The following NKAIN2 variants were observed in gnomAD, a reference collection of about 807,000 sequenced individuals.
The protein encoded by NKAIN2 is sodium/potassium-transporting ATPase subunit beta-1-interacting protein 2.
In NKAIN2, 14 loss-of-function variants were observed where a neutral mutation model predicts 32.6. That is an observed-to-expected ratio of 0.43 (90% confidence interval 0.28 to 0.67). The LOEUF (loss-of-function observed/expected upper bound fraction) is 0.67, where lower values mean the gene tolerates loss of function less well. Ranked by LOEUF, NKAIN2 falls within the 30% of genes least tolerant of loss-of-function variation. The pLI, the probability that NKAIN2 is intolerant of heterozygous loss-of-function variation, is 0.17. For synonymous variants in NKAIN2, 80 were observed against 87.2 expected (o/e 0.92, Z 0.46); for missense variants, 198 against 258.3 (o/e 0.77, Z 1.60).
chr6:124,522,950 C>T (rs571081380), intron 3 of NKAIN2, among the ~76,000 whole-genome samples: 323 of 150,216 alleles, frequency 2.2e-3, no homozygotes, highest in Non-Finnish European at 3.1e-3. Context: ...GAGACCATCC[C>T]GGCTAAAACG....
intron 4 of NKAIN2, among the ~76,000 whole-genome samples, chr6:124,738,108 T>C (rs142223468): frequency 7.2e-5 from 11 of 152,076 alleles, no homozygotes; most frequent in Non-Finnish European, 1.6e-4. Flanking sequence ...TTTGTCTCCA[T>C]CCATATTCTA....
At chr6:124,422,878 C>T (rs190720637) in intron 3 of NKAIN2, among the ~76,000 whole-genome samples, 1 of 152,214 alleles carries the variant, frequency 6.6e-6, no homozygotes, top group Admixed American at 6.5e-5. Context: ...ACAGTATTTG[C>T]GATGAGTTCC....
intron 1 of NKAIN2, among the ~76,000 whole-genome samples, chr6:124,244,467 G>T (rs1165386890): frequency 6.6e-6 from 1 of 151,840 alleles, no homozygotes; most frequent in African/African-American, 2.4e-5. Context: ...ATATGTAAAA[G>T]ATATCTTATC....
intron 1 of NKAIN2, among the ~76,000 whole-genome samples, chr6:124,200,199 G>A (rs113801089): frequency 5.9e-5 from 9 of 152,066 alleles, no homozygotes; most frequent in African/African-American, 1.9e-4. Context: ...CTCCTTATTC[G>A]CTTTCACTTG....
chr6:123,805,894 A>ATTTT (rs1773194894), intron 1 of NKAIN2, among the ~76,000 whole-genome samples: 9 of 152,118 alleles, frequency 5.9e-5, no homozygotes, highest in African/African-American at 1.7e-4. Context: ...ATGTGATTTA[A>ATTTT]CTTCTAATCA....
intron 4 of NKAIN2, among the ~76,000 whole-genome samples, chr6:124,668,485 C>T (rs1348108137): frequency 6.6e-6 from 1 of 152,082 alleles, no homozygotes; most frequent in Non-Finnish European, 1.5e-5. Context: ...TTCGTCTTTA[C>T]TTTCCCTACC....
At chr6:124,725,662 G>A (rs942390099) in intron 4 of NKAIN2, among the ~76,000 whole-genome samples, 1 of 152,170 alleles carries the variant, frequency 6.6e-6, no homozygotes, top group African/African-American at 2.4e-5. Flanking sequence ...TTAAACTCCA[G>A]AACGATATTC....
chr6:124,104,841 A>T (rs989293642), intron 1 of NKAIN2, among the ~76,000 whole-genome samples: 6 of 152,220 alleles, frequency 3.9e-5, no homozygotes, highest in Admixed American at 3.3e-4. Context: ...GCAGCAGGAT[A>T]TCCCACTGGT....
At chr6:123,853,497 T>A (rs1372684212) in intron 1 of NKAIN2, among the ~76,000 whole-genome samples, 1 of 152,170 alleles carries the variant, frequency 6.6e-6, no homozygotes, top group African/African-American at 2.4e-5. Context: ...GAAATATTAG[T>A]TATTGCATTA....
At chr6:124,613,672 A>C (rs1468109741) in intron 3 of NKAIN2, among the ~76,000 whole-genome samples, 1 of 152,196 alleles carries the variant, frequency 6.6e-6, no homozygotes, top group African/African-American at 2.4e-5. Flanking sequence ...CAGATGGGGC[A>C]GTTAATAAAA....
intron 3 of NKAIN2, among the ~76,000 whole-genome samples, chr6:124,564,762 C>T (rs1780839476): frequency 6.6e-6 from 1 of 152,156 alleles, no homozygotes; most frequent in African/African-American, 2.4e-5. Flanking sequence ...TGATTAAATT[C>T]CTATAAGCCC....
At chr6:124,552,257 G>A (rs894920943) in intron 3 of NKAIN2, among the ~76,000 whole-genome samples, 1 of 152,132 alleles carries the variant, frequency 6.6e-6, no homozygotes. Flanking sequence ...ATTTACATGT[G>A]CCTCTCAACT....
chr6:124,759,261 G>A (rs1224275526), intron 4 of NKAIN2, among the ~76,000 whole-genome samples: 1 of 152,106 alleles, frequency 6.6e-6, no homozygotes, highest in Non-Finnish European at 1.5e-5. Context: ...AAAGCACAAT[G>A]TTACTAACTT....
At chr6:123,869,652 C>T (rs998120987) in intron 1 of NKAIN2, among the ~76,000 whole-genome samples, 1 of 152,164 alleles carries the variant, frequency 6.6e-6, no homozygotes, top group African/African-American at 2.4e-5. Flanking sequence ...AATAGCAGTG[C>T]TTTCTGCTGG....
intron 3 of NKAIN2, among the ~76,000 whole-genome samples, chr6:124,410,185 C>G (rs1774092038): frequency 6.6e-6 from 1 of 152,018 alleles, no homozygotes; most frequent in South Asian, 2.1e-4. Flanking sequence ...TTTTGTGTCT[C>G]TCTCTCCTTC....
At chr6:123,959,530 C>T (rs1777744682) in intron 1 of NKAIN2, among the ~76,000 whole-genome samples, 1 of 152,152 alleles carries the variant, frequency 6.6e-6, no homozygotes, top group South Asian at 2.1e-4. Context: ...CATGATACTT[C>T]TTCAGTTTCC....
intron 5 of NKAIN2, among the ~76,000 whole-genome samples, chr6:124,802,171 TA>T (rs1780290649): frequency 6.6e-6 from 1 of 152,190 alleles, no homozygotes; most frequent in Non-Finnish European, 1.5e-5. Flanking sequence ...CTCTAATAGG[TA>T]ATTACAGCAC....
chr6:124,492,401 T>C (rs1288385427), intron 3 of NKAIN2, among the ~76,000 whole-genome samples: 1 of 151,896 alleles, frequency 6.6e-6, no homozygotes, highest in Non-Finnish European at 1.5e-5. Flanking sequence ...TAAATGTTCC[T>C]ACGGTTCAGT....
chr6:123,945,005 G>T (rs777174889), intron 1 of NKAIN2, among the ~76,000 whole-genome samples: 2 of 152,002 alleles, frequency 1.3e-5, no homozygotes, highest in Non-Finnish European at 2.9e-5. Flanking sequence ...GAAACTTGCA[G>T]ATATAGGAAT....
Sources: allele counts gnomAD v4.1 joint callset (sites outside exome capture counted in the v4.1 genomes callset), GRCh38; gene constraint gnomAD v4.1.1; transcripts MANE v1.5; gene names NCBI Gene and HGNC (gene_info 2026-07-23, HGNC 2026-07-21).